Variants in NCOA2 observed in about 807,000 individuals in gnomAD.
The protein encoded by NCOA2 is nuclear receptor coactivator 2, also known as class E basic helix-loop-helix protein 75.
Under a neutral mutation model 145.1 loss-of-function variants are expected in NCOA2, and 21 were observed. That is an observed-to-expected ratio of 0.14 (90% CI 0.10 to 0.21). The LOEUF (loss-of-function observed/expected upper bound fraction) is 0.21. Ranked by LOEUF, NCOA2 falls within the 10% of genes least tolerant of loss-of-function variation. The pLI, the probability that NCOA2 is intolerant of heterozygous loss-of-function variation, is 1.00. For missense variants in NCOA2, 1,472 were observed against 1,837.6 expected (o/e 0.80, Z 3.64); for synonymous variants, 619 against 637.5 (o/e 0.97, Z 0.44).
At chr8:70,405,437 GTTTTTT>G (rs34814735), upstream of NCOA2, among the ~76,000 whole-genome samples, 161 of 59,366 alleles carry the variant, frequency 2.7e-3, 2 homozygotes, top group African/African-American at 0.012. Context: ...ATTTTTAAAG[GTTTTTT>G]TTTTTTTTTT....
intron 2 of NCOA2, among the ~76,000 whole-genome samples, chr8:70,264,177 ACT>A (rs1824372876): frequency 6.6e-6 from 1 of 151,700 alleles, no homozygotes; most frequent in Non-Finnish European, 1.5e-5. Flanking sequence ...ACGCCATTGC[ACT>A]CATCCAGCCT....
chr8:70,403,745 T>G lies in NCOA2; in HGVS notation c.-122A>C. 2 of 397,492 alleles carry G rather than the reference T, an allele frequency of 5.0e-6. No homozygotes were observed. Among genetic ancestry groups the G allele is most frequent in the Non-Finnish European group, 8.9e-6 (2 of 225,350 alleles). 24.6% of individuals were successfully genotyped at this position (397,492 alleles called of 1,614,324 possible). A position where few individuals can be genotyped will look rare whatever the true frequency, so the allele number is the denominator to read the frequency against. ...GTCAGGTGCCGGCTGCCGTCGGCGC[T>G]GACCTTCGCCGCCGAAGCTGTAGCC... On this transcript the variant is annotated 5_prime_UTR_variant, in exon 1 of 23. Transcript: ENST00000452400.
intron 9 of NCOA2, among the ~76,000 whole-genome samples, chr8:70,160,931 A>G (rs1188165100): frequency 6.6e-6 from 1 of 152,190 alleles, no homozygotes; most frequent in South Asian, 2.1e-4. Context: ...GTAATTTTTT[A>G]TAGTAAGACT....
intron 9 of NCOA2, among the ~76,000 whole-genome samples, chr8:70,160,023 G>C (rs964730618): frequency 2.6e-5 from 4 of 151,792 alleles, no homozygotes; most frequent in Admixed American, 2.6e-4. Flanking sequence ...GTATAAACAG[G>C]GTATCTCTTA....
At chr8:70,245,628 C>T (rs898654142) in intron 2 of NCOA2, among the ~76,000 whole-genome samples, 9 of 151,950 alleles carry the variant, frequency 5.9e-5, no homozygotes, top group Admixed American at 5.9e-4. Context: ...CTCACATACG[C>T]ATGTCTAAAA....
intron 1 of NCOA2, among the ~76,000 whole-genome samples, chr8:70,399,927 G>A (rs928899548): frequency 6.6e-6 from 1 of 152,154 alleles, no homozygotes; most frequent in Non-Finnish European, 1.5e-5. Context: ...AAACAGCTAC[G>A]GTACTGAATC....
At chr8:70,173,304 T>C (rs1332189564) in intron 5 of NCOA2, among the ~76,000 whole-genome samples, 1 of 151,936 alleles carries the variant, frequency 6.6e-6, no homozygotes, top group Non-Finnish European at 1.5e-5. Context: ...TTCCCAGGAG[T>C]TGCCACTCTA....
intron 1 of NCOA2, among the ~76,000 whole-genome samples, chr8:70,368,096 G>A (rs1180452161): frequency 6.6e-6 from 1 of 152,214 alleles, no homozygotes; most frequent in Admixed American, 6.5e-5. Flanking sequence ...AGAAGACAAT[G>A]CAAAGTATAA....
chr8:70,131,225 C>A (rs1165096362), intron 16 of NCOA2, among the ~76,000 whole-genome samples: 2 of 152,056 alleles, frequency 1.3e-5, no homozygotes, highest in Non-Finnish European at 2.9e-5. Context: ...TTATGTTGCC[C>A]AGGCTAGAGT....
the NCOA2 span, among the ~76,000 whole-genome samples, chr8:70,448,585 T>C: frequency 6.6e-6 from 1 of 152,212 alleles, no homozygotes; most frequent in South Asian, 2.1e-4. Flanking sequence ...AGAAAAAGTA[T>C]GATGTTTTTG....
intron 1 of NCOA2, among the ~76,000 whole-genome samples, chr8:70,311,970 T>A (rs1049820018): frequency 6.6e-6 from 1 of 152,234 alleles, no homozygotes. Context: ...TAGACTACTT[T>A]CTTATTTTAT....
rs371258460 is a variant in NCOA2, at chr8:70,160,682, G to GAGAGAGAGAGAGAGAGA, written c.977-1031_977-1030insTCTCTCTCTCTCTCTCT. Reference sequence around the variant, plus strand: ...GACAGAGAGAGAGAGAGAGAGAGAGGGAGAGAGAGAGAGAGAGAGACTGAC... The same window carrying GAGAGAGAGAGAGAGAGA: ...GACAGAGAGAGAGAGAGAGAGAGAGGAGAGAGAGAGAGAGAGAGAGAGAGAGAGAGAGAGAGACTGAC... On this transcript the variant is annotated intron_variant, in intron 9 of 22. Coordinates refer to ENST00000452400, the MANE Select transcript of NCOA2 (RefSeq NM_006540.4). Among the ~76,000 whole-genome samples the GAGAGAGAGAGAGAGAGA allele has an allele frequency of 1.5e-3, 89 of 58,300 alleles. 3 individuals carry two copies. The highest frequency in any genetic ancestry group is 2.0e-3 in the African/African-American group (49 of 23,970). 38.2% of individuals were successfully genotyped at this position (58,300 alleles called of 152,430 possible). A position where few individuals can be genotyped will look rare whatever the true frequency, so the allele number is the denominator to read the frequency against.
chr8:70,383,059 T>G (rs1224844847), intron 1 of NCOA2, among the ~76,000 whole-genome samples: 1 of 152,210 alleles, frequency 6.6e-6, no homozygotes, highest in Non-Finnish European at 1.5e-5. Context: ...TCATACCCAC[T>G]GCAGAGGCAT....
chr8:70,444,631 T>TAA, the NCOA2 span, among the ~76,000 whole-genome samples: 1 of 152,184 alleles, frequency 6.6e-6, no homozygotes, highest in South Asian at 2.1e-4. Flanking sequence ...GGGCAAAGGG[T>TAA]ATATGGGATC....
rs375323483 is a variant in NCOA2, at chr8:70,174,740, A to G, written c.363+16T>C. On this transcript the variant is annotated intron_variant, in intron 5 of 22. Transcript: ENST00000452400. ...ACAAGATTTTAAAATACAGCACTAA[A>G]ATGAAGATGTGCTACCTCAAGCATC... 57 of 1,600,516 alleles carry G rather than the reference A, an allele frequency of 3.6e-5. No homozygotes were observed. In the African/African-American group the frequency reaches 7.1e-4, roughly 20 times the overall value.
intron 1 of NCOA2, among the ~76,000 whole-genome samples, chr8:70,401,141 A>G (rs1477936501): frequency 6.6e-6 from 1 of 152,102 alleles, no homozygotes; most frequent in Non-Finnish European, 1.5e-5. Flanking sequence ...GCTTTGTAGC[A>G]GCTGCTTTCT....
intron 1 of NCOA2, among the ~76,000 whole-genome samples, chr8:70,321,063 T>A (rs914039954): frequency 9.2e-5 from 14 of 152,302 alleles, no homozygotes; most frequent in Admixed American, 7.8e-4. Flanking sequence ...CTTCCCAAAA[T>A]CAAATTCTAA....
chr8:70,406,170 G>A (rs564460683), upstream of NCOA2, among the ~76,000 whole-genome samples: 3 of 152,214 alleles, frequency 2.0e-5, no homozygotes, highest in African/African-American at 7.2e-5. Flanking sequence ...AATGTATGAT[G>A]TTTGTTGTTT....
chr8:70,215,866 CA>C (rs1819574571), intron 3 of NCOA2, among the ~76,000 whole-genome samples: 2 of 152,058 alleles, frequency 1.3e-5, no homozygotes, highest in Admixed American at 1.3e-4. Context: ...GGCAATATTC[CA>C]AAAACATTTT....
Sources: gnomAD v4.1 joint callset for allele counts (sites outside exome capture counted in the v4.1 genomes callset) on GRCh38, gnomAD v4.1.1 for gene constraint, MANE v1.5 for transcripts, NCBI Gene and HGNC (gene_info 2026-07-23, HGNC 2026-07-21) for gene names.